ADCY2: variants seen among roughly 807,000 people sequenced by gnomAD.
The protein encoded by ADCY2 is adenylate cyclase type 2.
Under a neutral mutation model 125.2 loss-of-function variants are expected in ADCY2, and 31 were observed. That is an observed-to-expected ratio of 0.25 (90% CI 0.19 to 0.33). The LOEUF (loss-of-function observed/expected upper bound fraction) is 0.33. Among genes scored for constraint, ADCY2 ranks in the 10% least tolerant of loss-of-function variants. The pLI is 1.00. For synonymous variants in ADCY2, 512 were observed against 548.4 expected, an observed-to-expected ratio of 0.93 and a Z score of 0.93; for missense variants, 904 against 1,418.2, an observed-to-expected ratio of 0.64 and a Z score of 5.82.
chr5:7,552,799 G>T (rs1335592776), intron 3 of ADCY2, among the ~76,000 whole-genome samples: 3 of 152,090 alleles, frequency 2.0e-5, no homozygotes, highest in Non-Finnish European at 4.4e-5. Context: ...TTTTTCTTAG[G>T]TTGCCCTTGT....
At chr5:7,425,431 G>A (rs928358045) in intron 2 of ADCY2, among the ~76,000 whole-genome samples, 4 of 152,166 alleles carry the variant, frequency 2.6e-5, no homozygotes, top group Non-Finnish European at 4.4e-5. Context: ...AATTTGTGAC[G>A]AATACAACTT....
At chr5:7,629,328 G>C (rs1032294999) in intron 4 of ADCY2, among the ~76,000 whole-genome samples, 2 of 152,090 alleles carry the variant, frequency 1.3e-5, no homozygotes, top group African/African-American at 4.8e-5. Flanking sequence ...GGATTGGAGG[G>C]GGGGCACTGA....
intron 4 of ADCY2, among the ~76,000 whole-genome samples, chr5:7,684,578 G>A (rs1329107292): frequency 2.0e-5 from 3 of 152,214 alleles, no homozygotes; most frequent in African/African-American, 7.2e-5. Flanking sequence ...TCGCATGTGA[G>A]TGATAATTTC....
rs1744638285 is a variant in ADCY2, at chr5:7,802,761, C to T, written c.2775+397C>T. Among the ~76,000 whole-genome samples the T allele has an allele frequency of 1.3e-5, 2 of 152,170 alleles. No homozygotes were observed. The highest frequency in any genetic ancestry group is 2.1e-4 in the South Asian group (1 of 4,836). On this transcript the variant is annotated intron_variant, in intron 21 of 24. Transcript: ENST00000338316. This position sits in a 1 kb window ranked among gnomAD's most constrained non-coding sequence, Gnocchi z 4.6. ...TGCCTTTGTCAGATATCAACTTGCA[C>T]TATGCATGGATGACATTTTCTTAAA...
rs376978089 is a variant in ADCY2, at chr5:7,414,425, T to C, written c.211-148T>C. 59 of 578,684 alleles carry C rather than the reference T, an allele frequency of 1.0e-4. No homozygotes were observed. The South Asian group carries it at 2.0e-3, about 20-fold the overall frequency. The allele number at this position is 578,684 out of a possible 1,614,324, so 35.8% of individuals were successfully genotyped here. A position where few individuals can be genotyped will look rare whatever the true frequency, so the allele number is the denominator to read the frequency against. ...TTTATTATGAAACTTGAATTTTAAA[T>C]GTTCAAACTGTTCTACTTTCAAAAC... On this transcript the variant is annotated intron_variant, in intron 1 of 24. Transcript: ENST00000338316.
intron 3 of ADCY2, among the ~76,000 whole-genome samples, chr5:7,624,963 C>T (rs1416533604): frequency 6.6e-6 from 1 of 152,134 alleles, no homozygotes; most frequent in Admixed American, 6.6e-5. Flanking sequence ...CAAGAGCTTG[C>T]TCTATGTAAA....
chr5:7,723,211 T>C (rs1038892028), intron 12 of ADCY2, among the ~76,000 whole-genome samples: 1 of 152,094 alleles, frequency 6.6e-6, no homozygotes, highest in Non-Finnish European at 1.5e-5. Flanking sequence ...GCTTAATACC[T>C]GGGTGATGAA....
chr5:7,594,809 T>C (rs182352303), intron 3 of ADCY2, among the ~76,000 whole-genome samples: 3 of 152,256 alleles, frequency 2.0e-5, no homozygotes, highest in Admixed American at 6.5e-5. Flanking sequence ...AAGAAAAATA[T>C]CCAAAGCTCT....
intron 2 of ADCY2, among the ~76,000 whole-genome samples, chr5:7,486,331 C>T (rs1742925302): frequency 1.3e-5 from 2 of 152,232 alleles, no homozygotes; most frequent in African/African-American, 2.4e-5. Flanking sequence ...CATGCACACA[C>T]ATAAATATGT....
intron 3 of ADCY2, among the ~76,000 whole-genome samples, chr5:7,588,341 A>G (rs1231970851): frequency 6.6e-6 from 1 of 152,248 alleles, no homozygotes; most frequent in Non-Finnish European, 1.5e-5. Context: ...ATTACATATT[A>G]CAACAAGGCC....
intron 5 of ADCY2, among the ~76,000 whole-genome samples, chr5:7,695,073 T>C (rs1306291813): frequency 6.6e-6 from 1 of 152,240 alleles, no homozygotes; most frequent in East Asian, 1.9e-4. Flanking sequence ...AAGACCTTGA[T>C]ACAAATCAGA....
intron 2 of ADCY2, among the ~76,000 whole-genome samples, chr5:7,425,817 A>AT (rs1291027600): frequency 6.6e-6 from 1 of 152,016 alleles, no homozygotes; most frequent in Non-Finnish European, 1.5e-5. Context: ...CTATCATGGT[A>AT]TTTTTTTCTT....
chr5:7,651,055 C>T (rs1461992954), intron 4 of ADCY2, among the ~76,000 whole-genome samples: 1 of 152,118 alleles, frequency 6.6e-6, no homozygotes, highest in East Asian at 1.9e-4. Context: ...TATGTAGCTG[C>T]CTGCATGATC....
chr5:7,824,482 G>A (rs1321426370), intron 24 of ADCY2, among the ~76,000 whole-genome samples: 4 of 152,172 alleles, frequency 2.6e-5, no homozygotes, highest in Non-Finnish European at 4.4e-5. Flanking sequence ...GCCACTTTTG[G>A]TGGAAGGCCG....
intron 3 of ADCY2, among the ~76,000 whole-genome samples, chr5:7,570,565 T>A: frequency 1.6e-5 from 2 of 124,520 alleles, no homozygotes; most frequent in Non-Finnish European, 1.7e-5. Context: ...GAAGAAAAAA[T>A]GCAGAAAAAA....
At chr5:7,748,533 C>CACACAG (rs1553984352) in intron 15 of ADCY2, among the ~76,000 whole-genome samples, 3 of 74,144 alleles carry the variant, frequency 4.0e-5, no homozygotes, top group African/African-American at 1.1e-4. Flanking sequence ...CACACACACA[C>CACACAG]ACACACACAC....
intron 3 of ADCY2, among the ~76,000 whole-genome samples, chr5:7,623,354 G>A (rs1262702092): frequency 6.6e-6 from 1 of 152,194 alleles, no homozygotes; most frequent in Non-Finnish European, 1.5e-5. Flanking sequence ...AGCATGGTTT[G>A]CGTTGGCTTC....
intron 4 of ADCY2, among the ~76,000 whole-genome samples, chr5:7,666,525 C>T (rs1221604366): frequency 6.6e-6 from 1 of 152,216 alleles, no homozygotes; most frequent in Non-Finnish European, 1.5e-5. Flanking sequence ...GCCTCGGCCT[C>T]CCAAAGTGCT....
At chr5:7,796,703 G>A (rs916816597) in intron 20 of ADCY2, 10 of 152,182 alleles carry the variant, frequency 6.6e-5, no homozygotes, top group African/African-American at 2.4e-4. Context: ...GTCATGGCCA[G>A]ATTCAGCCCA....
Sources: allele counts gnomAD v4.1 joint callset (sites outside exome capture counted in the v4.1 genomes callset), GRCh38; gene constraint gnomAD v4.1.1; non-coding constraint Gnocchi (gnomAD v3.1); transcripts MANE v1.5; gene names NCBI Gene and HGNC (gene_info 2026-07-23, HGNC 2026-07-21).